SORCS1: variants seen among roughly 807,000 people sequenced by gnomAD.
SORCS1 encodes the protein VPS10 domain-containing receptor SorCS1.
Under a neutral mutation model 146.1 loss-of-function variants are expected in SORCS1, and 60 were observed. The observed-to-expected ratio is 0.41, with a 90% CI of 0.33 to 0.51. SORCS1 has a LOEUF of 0.51. SORCS1 is among the 20% of genes least tolerant of loss of function. The pLI, the probability that SORCS1 is intolerant of heterozygous loss-of-function variation, is 0.21. For synonymous variants in SORCS1, 637 were observed against 584.0 expected (o/e 1.09, Z -1.31); for missense variants, 1,352 against 1,487.6 (o/e 0.91, Z 1.50).
At chr10:106,989,693 T>G (rs1956681500) in intron 1 of SORCS1, among the ~76,000 whole-genome samples, 1 of 131,168 alleles carries the variant, frequency 7.6e-6, no homozygotes, top group African/African-American at 2.8e-5. Flanking sequence ...TTTTTTTTTT[T>G]TTTTTTTTTC....
At chr10:106,668,844 G>T (rs2135448354) in intron 16 of SORCS1, among the ~76,000 whole-genome samples, 1 of 152,224 alleles carries the variant, frequency 6.6e-6, no homozygotes, top group East Asian at 1.9e-4. Flanking sequence ...GACAGGCAAG[G>T]TCATTTGGGG....
intron 1 of SORCS1, among the ~76,000 whole-genome samples, chr10:107,089,857 G>A (rs1964054269): frequency 6.6e-6 from 1 of 152,134 alleles, no homozygotes; most frequent in Non-Finnish European, 1.5e-5. Context: ...AGTTCTTACA[G>A]TCTCAAAATG....
chr10:106,832,015 G>A (rs1055446350), intron 2 of SORCS1, among the ~76,000 whole-genome samples: 7 of 152,126 alleles, frequency 4.6e-5, no homozygotes, highest in Non-Finnish European at 1.0e-4. Context: ...GCATTCCAGA[G>A]CTATTTCACA....
intron 23 of SORCS1, among the ~76,000 whole-genome samples, chr10:106,601,501 AT>A (rs1467468177): frequency 1.3e-5 from 2 of 152,214 alleles, no homozygotes; most frequent in Non-Finnish European, 2.9e-5. Context: ...CTCAATTCGA[AT>A]TTTAGGAAAG....
chr10:107,088,362 C>G (rs951637101), intron 1 of SORCS1, among the ~76,000 whole-genome samples: 4 of 152,088 alleles, frequency 2.6e-5, no homozygotes, highest in Non-Finnish European at 5.9e-5. Flanking sequence ...CCCTAGGAAA[C>G]GCAATGACCA....
At chr10:106,720,391 A>G (rs188911176) in intron 6 of SORCS1, among the ~76,000 whole-genome samples, 3 of 151,790 alleles carry the variant, frequency 2.0e-5, no homozygotes, top group East Asian at 1.9e-4. Flanking sequence ...AATGAGGAAA[A>G]TAAGAATAGT....
chr10:107,143,661 A>G (rs11193215), intron 1 of SORCS1, among the ~76,000 whole-genome samples: 3,728 of 151,836 alleles, frequency 0.025, 82 homozygotes, highest in African/African-American at 0.047. Context: ...GCGCCACCAC[A>G]CCAGGCTATT....
intron 9 of SORCS1, among the ~76,000 whole-genome samples, chr10:106,698,924 C>T (rs1349790541): frequency 1.3e-5 from 2 of 152,192 alleles, no homozygotes; most frequent in Non-Finnish European, 2.9e-5. Flanking sequence ...AAGCAGACCA[C>T]TCTCATCAAA....
intron 1 of SORCS1, among the ~76,000 whole-genome samples, chr10:107,096,895 T>G (rs1964580789): frequency 6.6e-6 from 1 of 152,172 alleles, no homozygotes; most frequent in Non-Finnish European, 1.5e-5. Flanking sequence ...ATAAGCTCCT[T>G]TTTTCTAGTT....
In SORCS1 at chr10:106,705,089, G is replaced by A. The variant is rs181907433; in HGVS notation, c.1233+1456C>T. 3.2e-4 allele frequency among the ~76,000 whole-genome samples: 49 copies of A among 151,958 alleles called. No homozygotes were observed. In the East Asian group the frequency reaches 7.8e-3, roughly 24 times the overall value. Reference sequence around the variant, plus strand: ...CACAACTTAAGTGTTGTAAATTCTTGTCTTACTGGAGAAAAAAAAAACAAA... The same window carrying A: ...CACAACTTAAGTGTTGTAAATTCTTATCTTACTGGAGAAAAAAAAAACAAA... On this transcript the variant is annotated intron_variant, in intron 8 of 25. Coordinates refer to ENST00000263054, the MANE Select transcript of SORCS1 (RefSeq NM_052918.5).
chr10:106,650,325 G>A (rs1427390195), intron 18 of SORCS1, among the ~76,000 whole-genome samples: 1 of 152,140 alleles, frequency 6.6e-6, no homozygotes, highest in Admixed American at 6.5e-5. Flanking sequence ...TTCACTCCTA[G>A]GATAGAGATT....
chr10:107,056,160 A>G (rs932538730), intron 1 of SORCS1, among the ~76,000 whole-genome samples: 2 of 152,248 alleles, frequency 1.3e-5, no homozygotes, highest in African/African-American at 4.8e-5. Flanking sequence ...CCTATCAACC[A>G]TTATAAATAA....
chr10:106,949,822 TAGAC>T (rs1564843552), intron 2 of SORCS1, among the ~76,000 whole-genome samples: 1 of 152,202 alleles, frequency 6.6e-6, no homozygotes, highest in Non-Finnish European at 1.5e-5. Context: ...ACCTCTAAGA[TAGAC>T]AGACACTGCA....
intron 2 of SORCS1, among the ~76,000 whole-genome samples, chr10:106,831,010 T>C (rs770724153): frequency 5.3e-5 from 8 of 152,038 alleles, no homozygotes; most frequent in Non-Finnish European, 1.0e-4. Flanking sequence ...CTGGCCAACA[T>C]AGTGAAACCC....
chr10:107,154,008 CTTTTTTTTTTT>C, intron 1 of SORCS1, among the ~76,000 whole-genome samples: 1 of 94,038 alleles, frequency 1.1e-5, no homozygotes, highest in African/African-American at 4.0e-5. Context: ...CTTTTCTTTT[CTTTTTTTTTTT>C]TTTTTTTTTT....
chr10:106,618,100 C>T (rs1157300572), intron 21 of SORCS1, 49 bp downstream of exon 21: 6 of 1,608,324 alleles, frequency 3.7e-6, no homozygotes, highest in Non-Finnish European at 5.1e-6. Context: ...ACAAGAGAAC[C>T]TCCTCTGAGC....
At chr10:107,087,713 C>T (rs1039379108) in intron 1 of SORCS1, among the ~76,000 whole-genome samples, 1 of 152,146 alleles carries the variant, frequency 6.6e-6, no homozygotes, top group Admixed American at 6.5e-5. Context: ...AGAAGTCAAG[C>T]GTTTGAAGAA....
intron 9 of SORCS1, among the ~76,000 whole-genome samples, chr10:106,694,678 C>T (rs558258946): frequency 1.8e-4 from 28 of 152,272 alleles, no homozygotes; most frequent in South Asian, 4.1e-4. Context: ...TTATCATAAC[C>T]GTTGAGTTTT....
intron 1 of SORCS1, among the ~76,000 whole-genome samples, chr10:106,963,130 T>TTTTTTG: frequency 7.6e-6 from 1 of 130,736 alleles, no homozygotes; most frequent in Non-Finnish European, 1.6e-5. Flanking sequence ...TTTTTTTTTT[T>TTTTTTG]TTTTTGAGAC....
Sources: allele counts gnomAD v4.1 joint callset (sites outside exome capture counted in the v4.1 genomes callset), GRCh38; gene constraint gnomAD v4.1.1; transcripts MANE v1.5; gene names NCBI Gene and HGNC (gene_info 2026-07-23, HGNC 2026-07-21).